TBC1D5: variants seen among roughly 807,000 people sequenced by gnomAD.
TBC1D5 encodes the protein TBC1 domain family, member 5.
A neutral mutation model predicts 100.3 loss-of-function variants in TBC1D5; 75 were observed. The ratio of observed to expected loss-of-function variants is 0.75; its 90% CI spans 0.62 to 0.91. TBC1D5 has a LOEUF of 0.91. Ranked by LOEUF, TBC1D5 falls within the 40% of genes least tolerant of loss-of-function variation. The pLI, the probability that TBC1D5 is intolerant of heterozygous loss-of-function variation, is 0.00. For synonymous variants in TBC1D5, 323 were observed against 325.6 expected (o/e 0.99, Z 0.09); for missense variants, 910 against 942.4 (o/e 0.97, Z 0.45).
chr3:17,733,757 T>C (rs886743457), intron 1 of TBC1D5, among the ~76,000 whole-genome samples: 2 of 152,000 alleles, frequency 1.3e-5, no homozygotes, highest in Non-Finnish European at 2.9e-5. Flanking sequence ...TCAAAATTAA[T>C]CATGAAAAAA....
At chr3:17,609,332 C>A (rs999856611) in intron 2 of TBC1D5, among the ~76,000 whole-genome samples, 3 of 152,114 alleles carry the variant, frequency 2.0e-5, no homozygotes, top group African/African-American at 4.8e-5. Flanking sequence ...CAACTCCTGC[C>A]CTTTTAGAAT....
chr3:17,401,373 ACATATG>A (rs1559806065), intron 8 of TBC1D5, among the ~76,000 whole-genome samples: 5 of 107,190 alleles, frequency 4.7e-5, no homozygotes, highest in Middle Eastern at 4.5e-3. Flanking sequence ...TGTATAATAT[ACATATG>A]TATATGTATA....
At chr3:17,233,820 C>T in intron 17 of TBC1D5, 70 bp from the exon 18 acceptor site, 2 of 919,460 alleles carry the variant, frequency 2.2e-6, no homozygotes, top group Non-Finnish European at 3.4e-6. Flanking sequence ...TTCTTTTATA[C>T]TGAATGTTCT....
chr3:17,707,148 GTTA>G (rs1471593677), intron 1 of TBC1D5, among the ~76,000 whole-genome samples: 4 of 151,622 alleles, frequency 2.6e-5, no homozygotes, highest in Non-Finnish European at 4.4e-5. Context: ...ATCATGAATA[GTTA>G]TTATAACTTT....
intron 13 of TBC1D5, among the ~76,000 whole-genome samples, chr3:17,362,005 C>T (rs749076576): frequency 4.7e-4 from 72 of 152,190 alleles, no homozygotes; most frequent in Non-Finnish European, 9.7e-4. Context: ...ACAAAACTAA[C>T]TGATCTTCAA....
intron 13 of TBC1D5, among the ~76,000 whole-genome samples, chr3:17,325,950 A>G (rs2086068856): frequency 1.3e-5 from 2 of 152,220 alleles, no homozygotes; most frequent in Non-Finnish European, 2.9e-5. Flanking sequence ...CAAAAATGGT[A>G]AATAGAGAAT....
chr3:17,290,135 T>A (rs1363816956), intron 15 of TBC1D5, among the ~76,000 whole-genome samples: 1 of 152,240 alleles, frequency 6.6e-6, no homozygotes, highest in Non-Finnish European at 1.5e-5. Flanking sequence ...ACTGATCATG[T>A]TTTTACTTGG....
chr3:17,575,462 T>A (rs1302311433), intron 2 of TBC1D5, among the ~76,000 whole-genome samples: 2 of 152,132 alleles, frequency 1.3e-5, no homozygotes, highest in African/African-American at 4.8e-5. Flanking sequence ...AACAGTGTCA[T>A]ACCACCTACC....
intron 19 of TBC1D5, among the ~76,000 whole-genome samples, chr3:17,177,085 A>C (rs1214651237): frequency 1.3e-5 from 2 of 152,238 alleles, no homozygotes; most frequent in African/African-American, 4.8e-5. Flanking sequence ...TAAGTTTACC[A>C]AAGATGATGG....
intron 3 of TBC1D5, among the ~76,000 whole-genome samples, chr3:17,491,060 T>C (rs1278909686): frequency 5.9e-5 from 9 of 152,230 alleles, no homozygotes; most frequent in African/African-American, 1.9e-4. Context: ...TATTTTATTA[T>C]CTTGTTAGCA....
intron 2 of TBC1D5, 71 bp downstream of exon 2, chr3:17,623,778 T>C (rs1409761010): frequency 6.6e-6 from 1 of 152,176 alleles, no homozygotes; most frequent in Non-Finnish European, 1.5e-5. Context: ...AAACATAAAA[T>C]TGATTAAACC....
intron 13 of TBC1D5, among the ~76,000 whole-genome samples, chr3:17,334,914 GA>G (rs2087467179): frequency 1.3e-5 from 2 of 152,022 alleles, no homozygotes; most frequent in South Asian, 4.1e-4. Context: ...ATTTTGGGGG[GA>G]AAATCTACAG....
intron 8 of TBC1D5, among the ~76,000 whole-genome samples, chr3:17,387,768 G>C (rs2093212718): frequency 6.6e-6 from 1 of 150,568 alleles, no homozygotes; most frequent in Admixed American, 6.7e-5. Context: ...ATAATTAAAA[G>C]CACAGAATAC....
At chr3:17,197,844 C>G (rs908692319) in intron 18 of TBC1D5, among the ~76,000 whole-genome samples, 1 of 152,092 alleles carries the variant, frequency 6.6e-6, no homozygotes, top group Non-Finnish European at 1.5e-5. Flanking sequence ...CAAGACCAGC[C>G]TGGGCAACAT....
At chr3:17,341,744 C>A (rs2088977693) in intron 13 of TBC1D5, among the ~76,000 whole-genome samples, 1 of 152,120 alleles carries the variant, frequency 6.6e-6, no homozygotes, top group Non-Finnish European at 1.5e-5. Flanking sequence ...ATTAATAGAA[C>A]ATTAAAAATA....
chr3:17,532,005 A>G (rs2096233264), intron 2 of TBC1D5, among the ~76,000 whole-genome samples: 2 of 152,214 alleles, frequency 1.3e-5, no homozygotes, highest in South Asian at 4.1e-4. Flanking sequence ...TAAACTAAAG[A>G]GCTTCTGAAC....
At chr3:17,476,864 G>A (rs1326989852) in intron 3 of TBC1D5, among the ~76,000 whole-genome samples, 1 of 151,918 alleles carries the variant, frequency 6.6e-6, no homozygotes, top group Non-Finnish European at 1.5e-5. Context: ...TGTTATAAAT[G>A]CTGTATCTTT....
At chr3:17,545,234 G>A (rs1280142022) in intron 2 of TBC1D5, among the ~76,000 whole-genome samples, 2 of 152,102 alleles carry the variant, frequency 1.3e-5, no homozygotes, top group African/African-American at 2.4e-5. Flanking sequence ...TCATTAAGGT[G>A]GAACATAATC....
intron 14 of TBC1D5, among the ~76,000 whole-genome samples, chr3:17,300,846 C>T (rs984997593): frequency 5.3e-5 from 8 of 151,926 alleles, no homozygotes; most frequent in Non-Finnish European, 1.2e-4. Context: ...CTGAGGTGGG[C>T]AGATGACCTG....
Sources: allele counts gnomAD v4.1 joint callset (sites outside exome capture counted in the v4.1 genomes callset), GRCh38; gene constraint gnomAD v4.1.1; transcripts MANE v1.5; gene names NCBI Gene and HGNC (gene_info 2026-07-23, HGNC 2026-07-21).